Variants in MCHR2 observed in about 807,000 individuals in gnomAD.
MCHR2 encodes the protein melanin concentrating hormone receptor 2.
A neutral mutation model predicts 24.8 loss-of-function variants in MCHR2; 15 were observed. That is an observed-to-expected ratio of 0.60 (90% CI 0.40 to 0.93). MCHR2 has a LOEUF of 0.93. Ranked by LOEUF, MCHR2 falls within the 40% of genes least tolerant of loss-of-function variation. The pLI is 0.00. For missense variants in MCHR2, 386 were observed against 408.7 expected, an observed-to-expected ratio of 0.94 and a Z score of 0.48; for synonymous variants, 151 against 147.6, an observed-to-expected ratio of 1.02 and a Z score of -0.17.
intron 2 of MCHR2, among the ~76,000 whole-genome samples, chr6:99,955,706 G>T (rs919714201): frequency 1.3e-5 from 2 of 152,060 alleles, no homozygotes; most frequent in African/African-American, 4.8e-5. Context: ...GACTGAGAGT[G>T]AGAGTCATTT....
chr6:99,954,783 G>A (rs1220459593), intron 2 of MCHR2, among the ~76,000 whole-genome samples: 1 of 152,188 alleles, frequency 6.6e-6, no homozygotes, highest in Non-Finnish European at 1.5e-5. Context: ...GTCCACATGG[G>A]TGGCTGAGAG....
At chr6:99,944,314 C>G (rs754459155) in intron 3 of MCHR2, among the ~76,000 whole-genome samples, 1 of 152,150 alleles carries the variant, frequency 6.6e-6, no homozygotes, top group Non-Finnish European at 1.5e-5. Context: ...AGTTCAGATT[C>G]AGAAGGAAGG....
intron 5 of MCHR2, among the ~76,000 whole-genome samples, chr6:99,929,162 T>G (rs1027904655): frequency 4.6e-5 from 7 of 152,244 alleles, no homozygotes; most frequent in African/African-American, 1.7e-4. Flanking sequence ...GTGAGTTTCT[T>G]AATCCTGAGT....
At chr6:99,921,356 G>T in intron 5 of MCHR2, 101 bp from the exon 6 acceptor site, 4 of 985,838 alleles carry the variant, frequency 4.1e-6, no homozygotes, top group Non-Finnish European at 6.0e-6. Flanking sequence ...TGGCTTTGTA[G>T]TGAAATATGA....
chr6:99,931,734 G>A (rs958669986), intron 5 of MCHR2, among the ~76,000 whole-genome samples: 35 of 152,124 alleles, frequency 2.3e-4, no homozygotes, highest in Non-Finnish European at 3.5e-4. Context: ...TCCAGGTGCC[G>A]TCTGTCACCC....
At chr6:99,988,359 C>T (rs1418676264) in intron 1 of MCHR2, among the ~76,000 whole-genome samples, 2 of 152,182 alleles carry the variant, frequency 1.3e-5, no homozygotes, top group East Asian at 3.8e-4. Flanking sequence ...ATTACAGCAG[C>T]TAGTCCTCAT....
intron 1 of MCHR2, among the ~76,000 whole-genome samples, chr6:99,987,212 T>C (rs898348886): frequency 1.8e-4 from 27 of 152,194 alleles, no homozygotes; most frequent in Admixed American, 1.6e-3. Flanking sequence ...GCGATTCTCC[T>C]GCCTCAACCT....
intron 5 of MCHR2, among the ~76,000 whole-genome samples, chr6:99,924,464 T>C (rs1427859808): frequency 6.6e-6 from 1 of 152,082 alleles, no homozygotes; most frequent in African/African-American, 2.4e-5. Context: ...GGTTTGCTCT[T>C]GCTTTTCTAG....
At chr6:99,992,635 G>C (rs1775906630) in intron 1 of MCHR2, among the ~76,000 whole-genome samples, 1 of 152,084 alleles carries the variant, frequency 6.6e-6, no homozygotes. Context: ...GAAACATTCT[G>C]TGGCCTGTAC....
chr6:99,923,133 AT>A (rs1348840616), intron 5 of MCHR2, among the ~76,000 whole-genome samples: 1 of 151,824 alleles, frequency 6.6e-6, no homozygotes, highest in African/African-American at 2.4e-5. Flanking sequence ...TAGGTATTTA[AT>A]TTTATTTGTG....
intron 5 of MCHR2, among the ~76,000 whole-genome samples, chr6:99,926,604 C>A (rs1391823154): frequency 2.6e-5 from 4 of 152,196 alleles, no homozygotes; most frequent in African/African-American, 9.6e-5. Context: ...AGCATTTTTT[C>A]ATGTGTTTTT....
intron 1 of MCHR2, among the ~76,000 whole-genome samples, chr6:99,964,239 T>C (rs1436948610): frequency 6.6e-6 from 1 of 152,162 alleles, no homozygotes; most frequent in African/African-American, 2.4e-5. Flanking sequence ...TATTGCTGTA[T>C]GACCCTGAAT....
At chr6:99,931,666 G>GTGCC (rs1774544351) in intron 5 of MCHR2, among the ~76,000 whole-genome samples, 1 of 152,276 alleles carries the variant, frequency 6.6e-6, no homozygotes, top group Admixed American at 6.5e-5. Flanking sequence ...ATCTCCTGGT[G>GTGCC]TGCCGTCTCC....
At chr6:99,957,403 T>A (rs1364938960) in intron 1 of MCHR2, among the ~76,000 whole-genome samples, 2 of 152,150 alleles carry the variant, frequency 1.3e-5, no homozygotes, top group Non-Finnish European at 2.9e-5. Flanking sequence ...TTTAAAAAAA[T>A]GTTCTTCATT....
intron 1 of MCHR2, among the ~76,000 whole-genome samples, chr6:99,980,293 T>G (rs929289918): frequency 2.6e-5 from 4 of 152,198 alleles, no homozygotes; most frequent in Admixed American, 1.3e-4. Context: ...CGTGCTCCAC[T>G]GAATCTGGAC....
intron 1 of MCHR2, among the ~76,000 whole-genome samples, chr6:99,971,951 G>T (rs1775431930): frequency 6.6e-6 from 1 of 152,208 alleles, no homozygotes; most frequent in Non-Finnish European, 1.5e-5. Flanking sequence ...TGTGCTGCTG[G>T]ATTCGGTTTG....
intron 4 of MCHR2, among the ~76,000 whole-genome samples, chr6:99,942,397 T>C (rs1436168499): frequency 6.6e-6 from 1 of 152,198 alleles, no homozygotes; most frequent in Admixed American, 6.5e-5. Flanking sequence ...TATTCTCTTT[T>C]CTGTGTGTCT....
intron 1 of MCHR2, among the ~76,000 whole-genome samples, chr6:99,986,199 A>G (rs1775764963): frequency 6.6e-6 from 1 of 152,200 alleles, no homozygotes; most frequent in Admixed American, 6.5e-5. Context: ...ATGCAGAGAA[A>G]AGGAATACTT....
chr6:99,973,554 C>T (rs1170228954), intron 1 of MCHR2, among the ~76,000 whole-genome samples: 2 of 152,138 alleles, frequency 1.3e-5, no homozygotes, highest in Admixed American at 1.3e-4. Context: ...GAGGATTTAG[C>T]CCATTTACAT....
Sources: allele counts gnomAD v4.1 joint callset (sites outside exome capture counted in the v4.1 genomes callset), GRCh38; gene constraint gnomAD v4.1.1; transcripts MANE v1.5; gene names NCBI Gene and HGNC (gene_info 2026-07-23, HGNC 2026-07-21).